Variants in AGBL1 observed in about 807,000 individuals in gnomAD.
AGBL1 encodes cytosolic carboxypeptidase 4.
A neutral mutation model predicts 118.9 loss-of-function variants in AGBL1; 130 were observed. The ratio of observed to expected loss-of-function variants is 1.09; its 90% CI spans 0.95 to 1.26. AGBL1 has a LOEUF of 1.26. Among genes scored for constraint, AGBL1 ranks in the 50% most tolerant of loss-of-function variants. The pLI is 0.00. For synonymous variants in AGBL1, 555 were observed against 478.9 expected, an observed-to-expected ratio of 1.16 and a Z score of -2.08; for missense variants, 1,584 against 1,298.1, an observed-to-expected ratio of 1.22 and a Z score of -3.38.
At chr15:86,544,805 G>A (rs1471233584) in intron 19 of AGBL1, among the ~76,000 whole-genome samples, 2 of 152,142 alleles carry the variant, frequency 1.3e-5, no homozygotes, top group Non-Finnish European at 2.9e-5. Context: ...ATATTCCAGA[G>A]GTGAAGAAAT....
In AGBL1 at chr15:86,680,565, CT is replaced by C. The variant is rs34873609; in HGVS notation, c.3158+6149del. On this transcript the variant is annotated intron_variant, in intron 22 of 22. Transcript: ENST00000614907. ...TCTTTTTTCTTTCTTTCTTTCTTTTCTTTTTTTTTTTTTTTTTTTTGAGATG... is the reference window on the plus strand; with the variant it reads ...TCTTTTTTCTTTCTTTCTTTCTTTTCTTTTTTTTTTTTTTTTTTTGAGATG... Among the ~76,000 whole-genome samples the C allele has an allele frequency of 9.1e-3, 863 of 94,690 alleles. 4 individuals carry two copies. Among genetic ancestry groups the C allele is most frequent in the African/African-American group, 0.03 (696 of 23,526 alleles). The allele number at this position is 94,690 out of a possible 152,430, so 62.1% of individuals were successfully genotyped here.
chr15:86,121,355 G>T, intron 1 of AGBL1, among the ~76,000 whole-genome samples: 1 of 152,176 alleles, frequency 6.6e-6, no homozygotes, highest in East Asian at 1.9e-4. Flanking sequence ...ATACACCAAT[G>T]TGGGTTATTT....
intron 22 of AGBL1, among the ~76,000 whole-genome samples, chr15:86,747,255 G>A (rs746685841): frequency 6.6e-6 from 1 of 152,048 alleles, no homozygotes; most frequent in African/African-American, 2.4e-5. Context: ...TAAGGAGTTT[G>A]TAAAAATATT....
intron 17 of AGBL1, among the ~76,000 whole-genome samples, chr15:86,357,262 T>C (rs1371588236): frequency 6.6e-6 from 1 of 152,208 alleles, no homozygotes; most frequent in African/African-American, 2.4e-5. Flanking sequence ...AGAATTTTCT[T>C]CCAGTTAGAA....
chr15:86,429,426 G>T (rs370972393), intron 18 of AGBL1, among the ~76,000 whole-genome samples: 1 of 152,180 alleles, frequency 6.6e-6, no homozygotes, highest in Non-Finnish European at 1.5e-5. Context: ...ATTTTTCTTC[G>T]AAAGTAAAAG....
chr15:86,761,441 G>C (rs1320587843), intron 22 of AGBL1, among the ~76,000 whole-genome samples: 1 of 152,058 alleles, frequency 6.6e-6, no homozygotes, highest in Non-Finnish European at 1.5e-5. Flanking sequence ...TGAATAGCCT[G>C]TATGAAAAAT....
At chr15:86,784,946 C>T (rs1229807728) in intron 22 of AGBL1, among the ~76,000 whole-genome samples, 3 of 151,950 alleles carry the variant, frequency 2.0e-5, no homozygotes, top group Admixed American at 6.6e-5. Context: ...AAAATTAGCT[C>T]GTAAGTTCGT....
chr15:86,781,976 A>G (rs2078343064), intron 22 of AGBL1, among the ~76,000 whole-genome samples: 1 of 152,004 alleles, frequency 6.6e-6, no homozygotes, highest in Admixed American at 6.5e-5. Context: ...CTTCCCTCTT[A>G]ATCACAATTT....
At chr15:86,113,288 T>TTTC (rs1897545835) in intron 1 of AGBL1, among the ~76,000 whole-genome samples, 2 of 94,916 alleles carry the variant, frequency 2.1e-5, no homozygotes, top group African/African-American at 8.9e-5. Context: ...TCTTTCTTTC[T>TTTC]TTTTTTTTTT....
chr15:86,147,442 C>T (rs983503780), intron 3 of AGBL1, among the ~76,000 whole-genome samples: 6 of 152,232 alleles, frequency 3.9e-5, no homozygotes, highest in African/African-American at 1.4e-4. Context: ...TAGCAACCTG[C>T]AGACAATGTA....
At chr15:86,888,132 C>G (rs1300970202) in intron 22 of AGBL1, among the ~76,000 whole-genome samples, 1 of 152,054 alleles carries the variant, frequency 6.6e-6, no homozygotes, top group African/African-American at 2.4e-5. Flanking sequence ...AGATCAAAAA[C>G]TTCAGTCCCT....
chr15:86,302,370 A>G (rs183973843), intron 17 of AGBL1, among the ~76,000 whole-genome samples: 1 of 152,284 alleles, frequency 6.6e-6, no homozygotes, highest in Admixed American at 6.5e-5. Context: ...TGCCAATGCC[A>G]TTGATTTACA....
chr15:86,866,631 A>C (rs970306159), intron 22 of AGBL1, among the ~76,000 whole-genome samples: 1 of 152,206 alleles, frequency 6.6e-6, no homozygotes, highest in African/African-American at 2.4e-5. Context: ...AGGAAGGCAG[A>C]TCACTTGAGG....
chr15:86,523,080 T>C, intron 19 of AGBL1, 141 bp downstream of exon 19: 1 of 1,013,266 alleles, frequency 9.9e-7, no homozygotes, highest in African/African-American at 1.6e-5. Context: ...GCATGGTGCA[T>C]TGACTTCCTG....
rs2079617939 is a variant in AGBL1, at chr15:86,295,359, C to T, written c.2325C>T (p.Thr775=). The T allele has an allele frequency of 6.2e-7, 1 of 1,610,302 alleles. No homozygotes were observed. Among genetic ancestry groups the T allele is most frequent in the South Asian group, 1.1e-5 (1 of 90,506 alleles). Residue 775 remains threonine (T), a synonymous_variant, in exon 17 of 23, where the codon ACC becomes ACT. Transcript: ENST00000614907. ...GAGGGAATCCGTGTCCCTTGGTGAC[C>T]ATCACGGCCATGCCTGAGTCCAACA... The part of the protein sequence containing the change: ...TLGGNPCPLV[T]ITAMPESNSD...
intron 5 of AGBL1, among the ~76,000 whole-genome samples, chr15:86,217,364 G>A (rs974911795): frequency 1.2e-4 from 18 of 152,182 alleles, no homozygotes; most frequent in African/African-American, 4.3e-4. Context: ...GCAAACATTT[G>A]ATGGTTATCT....
chr15:86,788,571 C>A (rs576936733), intron 22 of AGBL1, among the ~76,000 whole-genome samples: 1 of 152,170 alleles, frequency 6.6e-6, no homozygotes, highest in Non-Finnish European at 1.5e-5. Context: ...AGAAGCAAGA[C>A]CTCCTGGAGC....
At chr15:86,420,846 A>C (rs2081778721) in intron 18 of AGBL1, among the ~76,000 whole-genome samples, 1 of 152,230 alleles carries the variant, frequency 6.6e-6, no homozygotes, top group South Asian at 2.1e-4. Context: ...AATCAAGTGA[A>C]AGAAAGGATA....
intron 22 of AGBL1, among the ~76,000 whole-genome samples, chr15:86,827,631 G>T (rs1299322181): frequency 7.0e-6 from 1 of 143,022 alleles, no homozygotes; most frequent in Non-Finnish European, 1.5e-5. Flanking sequence ...GGCTGTTACA[G>T]TGAGAATGGC....
Sources: gnomAD v4.1 joint callset for allele counts (sites outside exome capture counted in the v4.1 genomes callset) on GRCh38, gnomAD v4.1.1 for gene constraint, MANE v1.5 for transcripts, NCBI Gene and HGNC (gene_info 2026-07-23, HGNC 2026-07-21) for gene names.